Variants in CDH12 observed in about 807,000 individuals in gnomAD.
CDH12 encodes cadherin 12, also known as cadherin-12.
A neutral mutation model predicts 74.1 loss-of-function variants in CDH12; 41 were observed. The ratio of observed to expected loss-of-function variants is 0.55; its 90% CI spans 0.43 to 0.72. The LOEUF is 0.72. Ranked by LOEUF, CDH12 falls within the 30% of genes least tolerant of loss-of-function variation. The pLI, the probability that CDH12 is intolerant of heterozygous loss-of-function variation, is 0.00. For synonymous variants in CDH12, 399 were observed against 355.0 expected (o/e 1.12, Z -1.39); for missense variants, 945 against 977.2 (o/e 0.97, Z 0.44).
At position 22,254,014 on chromosome 5, in the gene CDH12, T is replaced by C. The variant is rs76584163; in HGVS notation, c.-332-41371A>G. Among the ~76,000 whole-genome samples the C allele has an allele frequency of 3.5e-3, 521 of 149,670 alleles. 1 individual carries two copies. Among genetic ancestry groups the C allele is most frequent in the African/African-American group, 0.013 (494 of 39,324 alleles). Reference sequence around the variant, plus strand: ...GTCAGAAATTGGTAATGGAGATAATTGTCTTTGAAAGAAATTTGAGCTGGA... The same window carrying C: ...GTCAGAAATTGGTAATGGAGATAATCGTCTTTGAAAGAAATTTGAGCTGGA... On this transcript the variant is annotated intron_variant, in intron 3 of 14. Coordinates refer to ENST00000382254, the MANE Select transcript of CDH12 (RefSeq NM_004061.5).
At chr5:21,903,612 T>C (rs1217161358) in intron 6 of CDH12, among the ~76,000 whole-genome samples, 1 of 152,124 alleles carries the variant, frequency 6.6e-6, no homozygotes, top group Non-Finnish European at 1.5e-5. Flanking sequence ...TTTCTAAAAG[T>C]TAAACCTGTA....
intron 6 of CDH12, among the ~76,000 whole-genome samples, chr5:21,957,136 T>G (rs915472666): frequency 6.6e-6 from 1 of 152,134 alleles, no homozygotes; most frequent in Non-Finnish European, 1.5e-5. Flanking sequence ...CATAATTTAG[T>G]TCCCCACTTG....
intron 1 of CDH12, among the ~76,000 whole-genome samples, chr5:22,721,829 C>T (rs1172702687): frequency 1.3e-5 from 2 of 152,096 alleles, no homozygotes; most frequent in Non-Finnish European, 2.9e-5. Flanking sequence ...ATAAAGGGCT[C>T]TTCCTCTTTA....
At chr5:21,923,393 A>G (rs965888813) in intron 6 of CDH12, among the ~76,000 whole-genome samples, 3 of 152,086 alleles carry the variant, frequency 2.0e-5, no homozygotes, top group Admixed American at 6.5e-5. Context: ...ACCCTTGTAA[A>G]TGTTAGTTTT....
At chr5:21,773,780 A>C (rs1241159429) in intron 11 of CDH12, among the ~76,000 whole-genome samples, 1 of 152,226 alleles carries the variant, frequency 6.6e-6, no homozygotes, top group Non-Finnish European at 1.5e-5. Context: ...ATGTTTGTAC[A>C]TGTATACAGT....
At chr5:22,327,850 G>A (rs745680040) in intron 3 of CDH12, among the ~76,000 whole-genome samples, 6 of 152,156 alleles carry the variant, frequency 3.9e-5, no homozygotes, top group Non-Finnish European at 8.8e-5. Flanking sequence ...CTCCCCATGA[G>A]AGGTCTTAGT....
intron 3 of CDH12, among the ~76,000 whole-genome samples, chr5:22,217,818 C>T (rs751984186): frequency 7.3e-5 from 11 of 151,328 alleles, no homozygotes; most frequent in Non-Finnish European, 1.3e-4. Context: ...ATGTTTATTT[C>T]CTTACTGAGT....
chr5:21,842,288 G>A lies in CDH12; in HGVS notation c.687C>T (p.Val229=), dbSNP rs781537451. 1 of 1,612,282 alleles carries A rather than the reference G, an allele frequency of 6.2e-7. No homozygotes were observed. The highest frequency in any genetic ancestry group is 1.1e-5 in the South Asian group (1 of 90,822). Reference sequence around the variant, plus strand: ...GGATGAGTACTTGATATTGTTCTTTGACTTCTCTGTCCATGTTTGGCAAAG... The same window carrying A: ...GGATGAGTACTTGATATTGTTCTTTAACTTCTCTGTCCATGTTTGGCAAAG... ...RTALPNMDRE[V]KEQYQVLIQA... is the part of the protein sequence containing the mutation. Residue 229 remains valine (V), a synonymous_variant, in exon 8 of 15, where the codon GTC becomes GTT. Coordinates refer to ENST00000382254, the MANE Select transcript of CDH12 (RefSeq NM_004061.5).
intron 3 of CDH12, among the ~76,000 whole-genome samples, chr5:22,337,733 A>G (rs1739655529): frequency 6.6e-6 from 1 of 152,202 alleles, no homozygotes. Context: ...CAGCAATGTG[A>G]GAATGGACTA....
intron 14 of CDH12, 90 bp downstream of exon 14, chr5:21,755,501 A>G: frequency 4.3e-6 from 5 of 1,156,248 alleles, no homozygotes; most frequent in Admixed American, 2.3e-5. Flanking sequence ...TGTTTACATG[A>G]TAAATTGAGG....
At chr5:21,764,883 C>G in intron 12 of CDH12, 95 bp downstream of exon 12, 1 of 1,176,760 alleles carries the variant, frequency 8.5e-7, no homozygotes, top group Non-Finnish European at 1.2e-6. Context: ...TTCAGAAAAA[C>G]AAATATATGT....
intron 9 of CDH12, among the ~76,000 whole-genome samples, chr5:21,809,399 T>C (rs551202596): frequency 9.9e-5 from 15 of 152,204 alleles, no homozygotes; most frequent in Admixed American, 7.9e-4. Context: ...AAATAAAATA[T>C]ATGTGTCATG....
intron 2 of CDH12, among the ~76,000 whole-genome samples, chr5:22,493,563 G>T (rs536078217): frequency 1.0e-3 from 68 of 65,170 alleles, no homozygotes; most frequent in African/African-American, 4.0e-3. Flanking sequence ...AGTTTTTTTG[G>T]TTTTTTTTGA....
chr5:22,490,689 T>C (rs1360944252), intron 2 of CDH12, among the ~76,000 whole-genome samples: 2 of 152,232 alleles, frequency 1.3e-5, no homozygotes, highest in East Asian at 1.9e-4. Flanking sequence ...GTCTTACTTC[T>C]ACTAAATATA....
chr5:21,798,487 T>G (rs945837419), intron 10 of CDH12, among the ~76,000 whole-genome samples: 1 of 152,160 alleles, frequency 6.6e-6, no homozygotes, highest in Admixed American at 6.6e-5. Flanking sequence ...CTCTCCTGAT[T>G]ACTGATTCTC....
intron 1 of CDH12, among the ~76,000 whole-genome samples, chr5:22,534,418 T>G (rs2126708842): frequency 6.6e-6 from 1 of 152,278 alleles, no homozygotes; most frequent in Admixed American, 6.5e-5. Flanking sequence ...TCCTCATAGC[T>G]TAGCTCCCAC....
chr5:22,170,150 T>A (rs1005306059), intron 4 of CDH12, among the ~76,000 whole-genome samples: 1 of 151,872 alleles, frequency 6.6e-6, no homozygotes, highest in African/African-American at 2.4e-5. Flanking sequence ...CTCAGAATAG[T>A]AGAAACAATT....
intron 3 of CDH12, among the ~76,000 whole-genome samples, chr5:22,265,328 A>G (rs943316234): frequency 6.6e-6 from 1 of 152,206 alleles, no homozygotes; most frequent in Non-Finnish European, 1.5e-5. Context: ...TCCCTTGTCA[A>G]TTAGTTTCAA....
chr5:22,327,295 T>C (rs922084632), intron 3 of CDH12, among the ~76,000 whole-genome samples: 1 of 152,136 alleles, frequency 6.6e-6, no homozygotes, highest in African/African-American at 2.4e-5. Flanking sequence ...GTCATTTTTA[T>C]TATAAAAAAA....
Sources: allele counts gnomAD v4.1 joint callset (sites outside exome capture counted in the v4.1 genomes callset), GRCh38; gene constraint gnomAD v4.1.1; transcripts MANE v1.5; gene names NCBI Gene and HGNC (gene_info 2026-07-23, HGNC 2026-07-21).